Variants in DTNB observed in about 807,000 individuals in gnomAD.
DTNB encodes the protein DTN-B.
DTNB carries 63 observed loss-of-function variants against 90.7 expected under a neutral mutation model. The observed-to-expected ratio is 0.69, with a 90% confidence interval of 0.57 to 0.86. The LOEUF is 0.86. Ranked by LOEUF, DTNB falls within the 40% of genes least tolerant of loss-of-function variation. The probability of loss-of-function intolerance (pLI) is 0.00; values close to 1 mark genes in which losing one functional copy is unlikely to be tolerated. For missense variants in DTNB, 744 were observed against 807.1 expected (o/e 0.92, Z 0.95); for synonymous variants, 277 against 286.7 (o/e 0.97, Z 0.34).
intron 10 of DTNB, among the ~76,000 whole-genome samples, chr2:25,463,116 C>T (rs2061266446): frequency 1.3e-5 from 2 of 152,198 alleles, no homozygotes; most frequent in East Asian, 3.8e-4. Context: ...CTACTCAACA[C>T]CTCCCCTTGG....
chr2:25,545,518 C>G (rs2082218551), intron 8 of DTNB, among the ~76,000 whole-genome samples: 1 of 152,114 alleles, frequency 6.6e-6, no homozygotes, highest in Non-Finnish European at 1.5e-5. Context: ...GTGCTATTAT[C>G]CAACAGAACT....
chr2:25,601,760 C>T (rs946992231), intron 5 of DTNB, among the ~76,000 whole-genome samples: 3 of 152,208 alleles, frequency 2.0e-5, no homozygotes, highest in Non-Finnish European at 4.4e-5. Flanking sequence ...ACCATGCACA[C>T]ACATCTGTAT....
intron 6 of DTNB, among the ~76,000 whole-genome samples, chr2:25,591,202 G>T (rs574325043): frequency 1.3e-5 from 2 of 152,290 alleles, no homozygotes; most frequent in East Asian, 1.9e-4. Context: ...CAGGGGCAAG[G>T]GCAGCCTTCC....
chr2:25,516,468 G>C (rs984823371), intron 9 of DTNB, among the ~76,000 whole-genome samples: 1 of 151,918 alleles, frequency 6.6e-6, no homozygotes, highest in Admixed American at 6.5e-5. Context: ...GCCCATGTTG[G>C]TCTCGAACTC....
chr2:25,568,642 T>C (rs2059388004), intron 8 of DTNB, among the ~76,000 whole-genome samples: 1 of 152,226 alleles, frequency 6.6e-6, no homozygotes, highest in Non-Finnish European at 1.5e-5. Flanking sequence ...ATCACTATGG[T>C]TAAATTAACC....
At chr2:25,638,823 G>A (rs1267567292) in intron 3 of DTNB, among the ~76,000 whole-genome samples, 191 bp downstream of exon 3, 4 of 152,186 alleles carry the variant, frequency 2.6e-5, no homozygotes, top group Non-Finnish European at 2.9e-5. Flanking sequence ...TTACATGACT[G>A]AGTTTGTTAA....
intron 14 of DTNB, among the ~76,000 whole-genome samples, chr2:25,431,794 G>A (rs920392598): frequency 2.6e-5 from 4 of 151,788 alleles, no homozygotes; most frequent in Non-Finnish European, 4.4e-5. Context: ...CAGCATTTGT[G>A]TTCCCATCCT....
At chr2:25,631,230 A>G (rs1466726726) in intron 3 of DTNB, among the ~76,000 whole-genome samples, 1 of 152,178 alleles carries the variant, frequency 6.6e-6, no homozygotes, top group East Asian at 1.9e-4. Flanking sequence ...GTAATTTTTA[A>G]TGGTGGGACA....
At chr2:25,383,792 C>T (rs368074319) in intron 19 of DTNB, 44 bp downstream of exon 19, 33 of 1,613,854 alleles carry the variant, frequency 2.0e-5, no homozygotes, top group African/African-American at 1.6e-4. Context: ...TCCATGAGCT[C>T]GGGCTCCCCA....
intron 10 of DTNB, among the ~76,000 whole-genome samples, chr2:25,467,584 G>A (rs1035954070): frequency 4.6e-5 from 7 of 152,138 alleles, no homozygotes; most frequent in Non-Finnish European, 8.8e-5. Context: ...GATTAGAGGT[G>A]TGAGCCACTA....
intron 16 of DTNB, among the ~76,000 whole-genome samples, chr2:25,406,595 C>G (rs1414680107): frequency 6.6e-6 from 1 of 151,742 alleles, no homozygotes; most frequent in African/African-American, 2.4e-5. Context: ...TAGTGAAATC[C>G]CATCTCTACC....
chr2:25,618,708 A>G (rs186048446), intron 4 of DTNB, among the ~76,000 whole-genome samples: 1 of 152,340 alleles, frequency 6.6e-6, no homozygotes, highest in East Asian at 1.9e-4. Context: ...ATGATAAGAC[A>G]GAAGAAACTT....
chr2:25,490,198 C>A (rs2067084751), intron 9 of DTNB, among the ~76,000 whole-genome samples: 1 of 151,772 alleles, frequency 6.6e-6, no homozygotes, highest in Admixed American at 6.6e-5. Flanking sequence ...ACTGCTTGAG[C>A]CTAGGAGTTA....
intron 20 of DTNB, among the ~76,000 whole-genome samples, chr2:25,378,232 G>C (rs1215824654): frequency 1.3e-5 from 2 of 152,340 alleles, no homozygotes; most frequent in East Asian, 3.9e-4. Context: ...GCTTGCTTGG[G>C]AAAGGGCCTT....
At chr2:25,575,368 A>G (rs2060498887) in intron 8 of DTNB, among the ~76,000 whole-genome samples, 1 of 152,164 alleles carries the variant, frequency 6.6e-6, no homozygotes, top group South Asian at 2.1e-4. Flanking sequence ...AAAGAAAAGA[A>G]ACTACTGTGT....
In DTNB at chr2:25,388,361, C is replaced by T; in HGVS notation, c.1576G>A (p.Ala526Thr). The T allele has an allele frequency of 1.3e-6, 2 of 1,596,188 alleles. No individual in the cohort carries two copies. The highest frequency in any genetic ancestry group is 1.7e-5 in the Admixed American group (1 of 57,666). ...LLKEEEQKQA[A>T]QATGSPHTSP... ...GTATGTGGTGACCCTGTGGCCTGAGCCTGGAGATTCAAAGACAGAAAATAC... is the reference window on the plus strand; with the variant it reads ...GTATGTGGTGACCCTGTGGCCTGAGTCTGGAGATTCAAAGACAGAAAATAC... Residue 526 changes from alanine (A) to threonine (T), a missense_variant and splice_region_variant, in exon 17 of 21, where the codon GCT (alanine) becomes ACT (threonine). By Grantham distance (58) the Ala-to-Thr change is moderately conservative. Coordinates refer to ENST00000406818, the MANE Select transcript of DTNB (RefSeq NM_021907.5).
chr2:25,491,337 T>A (rs928639550), intron 9 of DTNB, among the ~76,000 whole-genome samples: 1 of 152,132 alleles, frequency 6.6e-6, no homozygotes, highest in African/African-American at 2.4e-5. Context: ...AAAATGAGAA[T>A]AAAGAAAACA....
chr2:25,450,703 T>C (rs1054018017), intron 12 of DTNB, among the ~76,000 whole-genome samples: 1 of 152,232 alleles, frequency 6.6e-6, no homozygotes, highest in African/African-American at 2.4e-5. Flanking sequence ...TTTATTTAGG[T>C]TTTCTTTAAT....
chr2:25,571,170 T>C (rs2059811191), intron 8 of DTNB, among the ~76,000 whole-genome samples: 3 of 152,220 alleles, frequency 2.0e-5, no homozygotes, highest in African/African-American at 7.2e-5. Flanking sequence ...ATTAGGCTGA[T>C]GTATACAACA....
Sources: allele counts gnomAD v4.1 joint callset (sites outside exome capture counted in the v4.1 genomes callset), GRCh38; gene constraint gnomAD v4.1.1; transcripts MANE v1.5; gene names NCBI Gene and HGNC (gene_info 2026-07-23, HGNC 2026-07-21).